NUP62CL: variants seen among roughly 807,000 people sequenced by gnomAD.
The protein encoded by NUP62CL is nucleoporin-62 C-terminal-like protein.
Under a neutral mutation model 15.3 loss-of-function variants are expected in NUP62CL, and 13 were observed. The ratio of observed to expected loss-of-function variants is 0.85; its 90% confidence interval spans 0.55 to 1.35. The LOEUF is 1.35. Among genes scored for constraint, NUP62CL ranks in the 40% most tolerant of loss-of-function variants. The probability of loss-of-function intolerance (pLI) is 0.00; values close to 1 mark genes in which losing one functional copy is unlikely to be tolerated. For missense variants in NUP62CL, 123 were observed against 130.6 expected (o/e 0.94, Z 0.28); for synonymous variants, 54 against 49.2 (o/e 1.10, Z -0.41).
chrX:107,176,116 G>C (rs952964926), intron 2 of NUP62CL, among the ~76,000 whole-genome samples: 2 of 111,554 alleles, frequency 1.8e-5, no homozygotes, highest in Non-Finnish European at 3.8e-5. Context: ...CATAAGAACA[G>C]AGAGCTCCCA....
At chrX:107,189,771 C>A (rs141959032) in intron 2 of NUP62CL, among the ~76,000 whole-genome samples, 2 of 93,420 alleles carry the variant, frequency 2.1e-5, no homozygotes, top group Non-Finnish European at 4.2e-5. Context: ...AGAGAGAGAG[C>A]GAGACCCTGT....
chrX:107,145,194 G>C (rs1925857534), intron 8 of NUP62CL, among the ~76,000 whole-genome samples: 1 of 111,335 alleles, frequency 9.0e-6, no homozygotes, highest in African/African-American at 3.3e-5. Flanking sequence ...GATGAATGAT[G>C]ATATAGGTAT....
At chrX:107,195,425 A>C (rs1927340717) in intron 1 of NUP62CL, among the ~76,000 whole-genome samples, 1 of 111,811 alleles carries the variant, frequency 8.9e-6, no homozygotes, top group Non-Finnish European at 1.9e-5. Context: ...AAAGATTTTG[A>C]TATTATCTGT....
intron 7 of NUP62CL, among the ~76,000 whole-genome samples, chrX:107,149,458 T>C (rs755410063): frequency 6.0e-4 from 67 of 112,201 alleles, no homozygotes; most frequent in African/African-American, 2.0e-3. Flanking sequence ...TGTTCAACTT[T>C]AGATTCACCC....
rs190304832 is a variant in NUP62CL, at chrX:107,135,054, T to A, written c.*43-10722A>T. Among the ~76,000 whole-genome samples the A allele has an allele frequency of 3.3e-4, 37 of 111,383 alleles. No individual in the cohort carries two copies. The East Asian group carries it at 9.9e-3, about 30-fold the overall frequency. On this transcript the variant is annotated intron_variant, in intron 8 of 8. Transcript: ENST00000372466. ...CCATGCCCAGCTAATTTATGTGACATTTTTTTAGTCTCAGCTTTTAATAAA... is the reference window on the plus strand; with the variant it reads ...CCATGCCCAGCTAATTTATGTGACAATTTTTTAGTCTCAGCTTTTAATAAA...
intron 8 of NUP62CL, among the ~76,000 whole-genome samples, chrX:107,144,813 A>G (rs1488534248): frequency 9.0e-6 from 1 of 111,701 alleles, no homozygotes; most frequent in Non-Finnish European, 1.9e-5. Flanking sequence ...TTTGAATCAC[A>G]TGACCCTTCT....
chrX:107,189,910 A>AAAGG (rs1300903325), intron 2 of NUP62CL, among the ~76,000 whole-genome samples: 1 of 104,157 alleles, frequency 9.6e-6, no homozygotes, highest in African/African-American at 3.6e-5. Context: ...AGAAAGAAAG[A>AAAGG]AAGAAAGAAA....
chrX:107,153,420 T>C, intron 6 of NUP62CL, 34 bp downstream of exon 6: 25 of 1,130,560 alleles, frequency 2.2e-5, no homozygotes, highest in Non-Finnish European at 3.0e-5. Context: ...AGATAGGTCT[T>C]TAATCTTTCA....
chrX:107,162,762 C>G (rs1926419145), intron 4 of NUP62CL, among the ~76,000 whole-genome samples: 1 of 112,013 alleles, frequency 8.9e-6, no homozygotes, highest in African/African-American at 3.2e-5. Context: ...CAGCGATCCC[C>G]AACCCTTTTG....
chrX:107,169,347 G>A (rs899234571), intron 3 of NUP62CL, among the ~76,000 whole-genome samples: 10 of 111,831 alleles, frequency 8.9e-5, no homozygotes, highest in East Asian at 5.6e-4. Flanking sequence ...GAGAATAACC[G>A]AATTATGTAT....
At chrX:107,169,160 T>C (rs1047237393) in intron 3 of NUP62CL, among the ~76,000 whole-genome samples, 19 of 111,525 alleles carry the variant, frequency 1.7e-4, no homozygotes, top group African/African-American at 6.2e-4. Context: ...TTTCCAAAAG[T>C]ATAGAAGGAA....
intron 1 of NUP62CL, among the ~76,000 whole-genome samples, chrX:107,193,381 A>G (rs1335094571): frequency 9.0e-6 from 1 of 111,714 alleles, no homozygotes; most frequent in East Asian, 2.8e-4. Flanking sequence ...ACAATGCTGA[A>G]TTTGGGGTAC....
intron 3 of NUP62CL, among the ~76,000 whole-genome samples, chrX:107,170,827 G>A (rs1458933156): frequency 1.1e-4 from 12 of 112,179 alleles, no homozygotes; most frequent in Non-Finnish European, 2.1e-4. Context: ...AAAGGAATGG[G>A]TTTGAAAGTT....
chrX:107,164,404 C>T (rs1192660828), intron 4 of NUP62CL, among the ~76,000 whole-genome samples: 1 of 110,401 alleles, frequency 9.1e-6, no homozygotes, highest in Non-Finnish European at 1.9e-5. Flanking sequence ...TAGGAAAAAT[C>T]TCAAATCAAT....
intron 4 of NUP62CL, among the ~76,000 whole-genome samples, chrX:107,157,803 T>C (rs1464711912): frequency 9.0e-6 from 1 of 111,439 alleles, no homozygotes; most frequent in African/African-American, 3.3e-5. Flanking sequence ...GTAAATGGAC[T>C]AAATTCTCCA....
In NUP62CL at chrX:107,147,820, A is replaced by C. The variant is rs1569356285; in HGVS notation, c.531-11T>G. 8.6e-7 allele frequency: 1 copy of C among 1,164,246 alleles called. No individual in the cohort carries two copies. The stretch of plus-strand genomic sequence containing the variant: ...GCAGATCTGGTGGAGCTAAAAATAC[A>C]TATAAGACTTTTAGATTATGATTAT... On this transcript the variant is annotated splice_polypyrimidine_tract_variant and intron_variant, in intron 7 of 8. Coordinates refer to ENST00000372466, the MANE Select transcript of NUP62CL (RefSeq NM_017681.3).
At chrX:107,178,047 T>C (rs540744702) in intron 2 of NUP62CL, among the ~76,000 whole-genome samples, 2 of 111,819 alleles carry the variant, frequency 1.8e-5, no homozygotes, top group African/African-American at 3.3e-5. Context: ...CACGCTACCA[T>C]ATGAATGAGC....
chrX:107,175,098 C>T lies in NUP62CL; in HGVS notation c.49G>A (p.Gly17Arg). ...AGAATTAGTAACTTACATGAGAGCCCAATAGCAGCAGTGGAGGTCAAAGAA... is the reference window on the plus strand; with the variant it reads ...AGAATTAGTAACTTACATGAGAGCCTAATAGCAGCAGTGGAGGTCAAAGAA... The part of the protein sequence containing the change: ...SNSLTSTAAI[G>R]LSFTTSTTTT... The change falls in exon 3 of 9, where the codon GGG (glycine) becomes AGG (arginine). Residue 17 changes from glycine (G) to arginine (R), a missense_variant. Transcript: ENST00000372466. 8.3e-7 allele frequency: 1 copy of T among 1,201,566 alleles called. No homozygotes were observed. The highest frequency in any genetic ancestry group is 1.8e-5 in the South Asian group (1 of 56,066).
chrX:107,133,216 G>A (rs1412119395), intron 8 of NUP62CL, among the ~76,000 whole-genome samples: 1 of 111,335 alleles, frequency 9.0e-6, no homozygotes, highest in Non-Finnish European at 1.9e-5. Flanking sequence ...AATCATTCCT[G>A]TTACTTCTTC....
Sources: allele counts gnomAD v4.1 joint callset (sites outside exome capture counted in the v4.1 genomes callset), GRCh38; gene constraint gnomAD v4.1.1; transcripts MANE v1.5; gene names NCBI Gene and HGNC (gene_info 2026-07-23, HGNC 2026-07-21).